The following ADAMTSL1 variants were observed in gnomAD, a reference collection of about 807,000 sequenced individuals.
The protein encoded by ADAMTSL1 is ADAMTS like 1.
A neutral mutation model predicts 201.8 loss-of-function variants in ADAMTSL1; 126 were observed. The observed-to-expected ratio is 0.62, with a 90% confidence interval of 0.54 to 0.72. The LOEUF is 0.72. Among genes scored for constraint, ADAMTSL1 ranks in the 30% least tolerant of loss-of-function variants. The pLI is 0.00. For synonymous variants in ADAMTSL1, 1,121 were observed against 903.4 expected, an observed-to-expected ratio of 1.24 and a Z score of -4.32; for missense variants, 2,679 against 2,277.8, an observed-to-expected ratio of 1.18 and a Z score of -3.59.
intron 16 of ADAMTSL1, among the ~76,000 whole-genome samples, chr9:18,761,248 A>G (rs1820056492): frequency 6.6e-6 from 1 of 152,250 alleles, no homozygotes; most frequent in Non-Finnish European, 1.5e-5. Flanking sequence ...AGCTCTCAGT[A>G]AATTAAACTA....
chr9:18,117,339 T>C (rs1265418347), intron 1 of ADAMTSL1, among the ~76,000 whole-genome samples: 1 of 152,136 alleles, frequency 6.6e-6, no homozygotes, highest in Non-Finnish European at 1.5e-5. Flanking sequence ...CCCTCGTTAC[T>C]TTCTCTCCTA....
intron 10 of ADAMTSL1, among the ~76,000 whole-genome samples, chr9:18,678,288 T>G (rs1830237596): frequency 6.6e-6 from 1 of 151,978 alleles, no homozygotes; most frequent in Non-Finnish European, 1.5e-5. Context: ...TGGATATGTC[T>G]TTTTTTTATT....
chr9:18,811,153 G>T (rs1563820982), intron 20 of ADAMTSL1, among the ~76,000 whole-genome samples: 1 of 151,828 alleles, frequency 6.6e-6, no homozygotes, highest in Non-Finnish European at 1.5e-5. Context: ...ACCGAAAACA[G>T]TGTGTCCACC....
intron 3 of ADAMTSL1, among the ~76,000 whole-genome samples, chr9:18,557,675 A>G (rs1024136852): frequency 2.0e-5 from 3 of 152,026 alleles, no homozygotes; most frequent in Middle Eastern, 3.2e-3. Context: ...GTGAAGAGAA[A>G]TGCTACAGTC....
At chr9:18,079,715 AAATAAAT>A (rs1195049734) in intron 1 of ADAMTSL1, among the ~76,000 whole-genome samples, 62 of 149,682 alleles carry the variant, frequency 4.1e-4, no homozygotes, top group African/African-American at 1.5e-3. Flanking sequence ...ATAAATAAAT[AAATAAAT>A]AAATAAAATA....
intron 2 of ADAMTSL1, among the ~76,000 whole-genome samples, chr9:18,253,096 C>G (rs1160947169): frequency 1.3e-5 from 2 of 152,140 alleles, no homozygotes; most frequent in South Asian, 4.1e-4. Flanking sequence ...GGAGAGGTTT[C>G]TATGATGTAG....
At position 18,125,239 on chromosome 9, in the gene ADAMTSL1, C is replaced by T. The variant is rs555305992; in HGVS notation, c.88-38623C>T. On this transcript the variant is annotated intron_variant, in intron 1 of 29. Transcript: ENST00000680146. ...GGATGGCAGCAGGGAAAGAGAGAGCCTGAGCAGAGAAACTCCTGTTTTTAA... is the reference window on the plus strand; with the variant it reads ...GGATGGCAGCAGGGAAAGAGAGAGCTTGAGCAGAGAAACTCCTGTTTTTAA... Among the ~76,000 whole-genome samples the T allele has an allele frequency of 3.9e-4, 60 of 152,168 alleles. No homozygotes were observed. In the South Asian group the frequency reaches 0.011, roughly 29 times the overall value.
chr9:18,173,426 G>A (rs1195847173), intron 2 of ADAMTSL1, among the ~76,000 whole-genome samples: 2 of 152,092 alleles, frequency 1.3e-5, no homozygotes, highest in African/African-American at 2.4e-5. Context: ...ATGAATCTCA[G>A]TACTGAAGGA....
rs1176359341 is a variant in ADAMTSL1, at chr9:18,718,545, A to T, written c.1877-2991A>T. 8 of 498,280 alleles carry T rather than the reference A, an allele frequency of 1.6e-5. No homozygotes were observed. In the East Asian group the frequency reaches 3.7e-4, roughly 23 times the overall value. The allele number at this position is 498,280 out of a possible 1,614,324, so 30.9% of individuals were successfully genotyped here. A position where few individuals can be genotyped will look rare whatever the true frequency, so the allele number is the denominator to read the frequency against. The stretch of plus-strand genomic sequence containing the variant: ...TCATGCATGATGCAAACTTGTCGAA[A>T]CCTAGTACCTCTCACGCTGTCACCG... On this transcript the variant is annotated intron_variant, in intron 14 of 28. Coordinates refer to ENST00000380548, the MANE Select transcript of ADAMTSL1 (RefSeq NM_001040272.6).
At chr9:18,233,920 A>C (rs1055017153) in intron 2 of ADAMTSL1, among the ~76,000 whole-genome samples, 2 of 152,188 alleles carry the variant, frequency 1.3e-5, no homozygotes, top group African/African-American at 4.8e-5. Flanking sequence ...AAGTCCTTGA[A>C]GTCTTTTAAG....
intron 1 of ADAMTSL1, 77 bp from the exon 2 acceptor site, chr9:18,504,744 CACGTACAG>C: frequency 6.3e-7 from 1 of 1,580,922 alleles, no homozygotes; most frequent in South Asian, 1.1e-5. Flanking sequence ...CATGTACACA[CACGTACAG>C]GCCAGTCACA....
Position 18,050,216 on chromosome 9 carries a change from T to G in ADAMTSL1, c.88-113646T>G, listed in dbSNP as rs570801778. 4.6e-5 allele frequency among the ~76,000 whole-genome samples: 7 copies of G among 152,320 alleles called. No individual in the cohort carries two copies. The South Asian group carries it at 1.4e-3, about 32-fold the overall frequency. ...AACTATTCATGATTAAAATAAAAAT[T>G]TGGTATCTTAAGAATTAACTAGTAG... On this transcript the variant is annotated intron_variant, in intron 1 of 29. Coordinates refer to the ADAMTSL1 transcript ENST00000680146.
At chr9:18,048,716 C>G (rs1215850140) in intron 1 of ADAMTSL1, among the ~76,000 whole-genome samples, 1 of 152,118 alleles carries the variant, frequency 6.6e-6, no homozygotes, top group African/African-American at 2.4e-5. Context: ...TACCAGACAT[C>G]GTGAGTTGCT....
intron 1 of ADAMTSL1, among the ~76,000 whole-genome samples, chr9:18,128,290 T>C (rs565019140): frequency 2.6e-5 from 4 of 152,312 alleles, no homozygotes; most frequent in African/African-American, 9.6e-5. Flanking sequence ...GAGATTTGCA[T>C]TTATAAACAC....
intron 26 of ADAMTSL1, among the ~76,000 whole-genome samples, chr9:18,894,456 G>A (rs1378620024): frequency 1.3e-5 from 2 of 149,828 alleles, no homozygotes; most frequent in Non-Finnish European, 2.9e-5. Context: ...TTATGGTGAT[G>A]AGAATGAAGG....
chr9:18,372,898 A>G (rs1232952542), intron 2 of ADAMTSL1, among the ~76,000 whole-genome samples: 1 of 152,226 alleles, frequency 6.6e-6, no homozygotes, highest in Non-Finnish European at 1.5e-5. Context: ...AAACTATGGA[A>G]TCATCTCACT....
At chr9:18,210,380 C>T (rs1829817290) in intron 2 of ADAMTSL1, among the ~76,000 whole-genome samples, 1 of 93,454 alleles carries the variant, frequency 1.1e-5, no homozygotes, top group African/African-American at 4.0e-5. Flanking sequence ...AAAGAACACA[C>T]ACATATACGC....
chr9:18,111,723 A>T (rs1825021032), intron 1 of ADAMTSL1, among the ~76,000 whole-genome samples: 1 of 152,164 alleles, frequency 6.6e-6, no homozygotes, highest in Non-Finnish European at 1.5e-5. Flanking sequence ...AATAATACAG[A>T]TACTTTCTTT....
At chr9:18,218,746 A>T (rs1830146229) in intron 2 of ADAMTSL1, among the ~76,000 whole-genome samples, 1 of 152,002 alleles carries the variant, frequency 6.6e-6, no homozygotes, top group African/African-American at 2.4e-5. Context: ...GCCTCTTCTT[A>T]TATAAATGTA....
Sources: gnomAD v4.1 joint callset for allele counts (sites outside exome capture counted in the v4.1 genomes callset) on GRCh38, gnomAD v4.1.1 for gene constraint, MANE v1.5 for transcripts, NCBI Gene and HGNC (gene_info 2026-07-23, HGNC 2026-07-21) for gene names.